SGCZ: variants seen among roughly 807,000 people sequenced by gnomAD.
SGCZ encodes the protein sarcoglycan zeta.
In SGCZ, 40 loss-of-function variants were observed where a neutral mutation model predicts 41.3. The ratio of observed to expected loss-of-function variants is 0.97; its 90% CI spans 0.75 to 1.26. The LOEUF is 1.26. SGCZ is among the 50% of genes most tolerant of loss of function. The pLI is 0.00. For missense variants in SGCZ, 552 were observed against 369.8 expected (o/e 1.49, Z -4.04); for synonymous variants, 206 against 137.5 (o/e 1.50, Z -3.49).
intron 2 of SGCZ, among the ~76,000 whole-genome samples, chr8:14,538,093 G>A (rs773508169): frequency 6.6e-6 from 1 of 151,864 alleles, no homozygotes; most frequent in African/African-American, 2.4e-5. Context: ...TAAAGTATAT[G>A]TATAGATGTT....
At chr8:14,874,670 A>T (rs1008234762) in intron 1 of SGCZ, among the ~76,000 whole-genome samples, 1 of 152,152 alleles carries the variant, frequency 6.6e-6, no homozygotes, top group East Asian at 1.9e-4. Flanking sequence ...AATAAATTCC[A>T]GTGTGGATCA....
At chr8:14,228,061 C>G (rs1806434901) in intron 4 of SGCZ, among the ~76,000 whole-genome samples, 3 of 151,978 alleles carry the variant, frequency 2.0e-5, no homozygotes, top group Admixed American at 1.3e-4. Context: ...ATATGGACTC[C>G]TAAATTTTAT....
chr8:15,178,808 A>T (rs1056624080), intron 1 of SGCZ, among the ~76,000 whole-genome samples: 3 of 152,198 alleles, frequency 2.0e-5, no homozygotes, highest in Non-Finnish European at 1.5e-5. Flanking sequence ...GAAGGAAAAA[A>T]ACTAGACGAA....
At chr8:14,479,361 C>G (rs557004728) in intron 2 of SGCZ, among the ~76,000 whole-genome samples, 1 of 152,200 alleles carries the variant, frequency 6.6e-6, no homozygotes, top group Non-Finnish European at 1.5e-5. Context: ...CGTATTTCCT[C>G]TTTGCTCCGC....
chr8:14,846,346 T>A (rs1397031809), intron 1 of SGCZ, among the ~76,000 whole-genome samples: 1 of 151,670 alleles, frequency 6.6e-6, no homozygotes, highest in Non-Finnish European at 1.5e-5. Context: ...GAAAAATCAA[T>A]GGAATTGGAC....
chr8:14,567,532 G>T (rs1298178216), intron 1 of SGCZ, among the ~76,000 whole-genome samples: 1 of 152,050 alleles, frequency 6.6e-6, no homozygotes, highest in African/African-American at 2.4e-5. Flanking sequence ...CAAACCAATC[G>T]GCTCTCTGTA....
At chr8:14,717,154 T>C (rs1373412350) in intron 1 of SGCZ, among the ~76,000 whole-genome samples, 1 of 152,104 alleles carries the variant, frequency 6.6e-6, no homozygotes, top group Non-Finnish European at 1.5e-5. Context: ...CAATATTATT[T>C]TGTATCATTT....
chr8:15,097,867 T>TAG (rs1806431077), intron 1 of SGCZ, among the ~76,000 whole-genome samples: 2 of 31,764 alleles, frequency 6.3e-5, no homozygotes, highest in Non-Finnish European at 1.2e-4. Flanking sequence ...CGTGTGTGTG[T>TAG]ATATATATAT....
At chr8:14,508,603 C>T (rs187853963) in intron 2 of SGCZ, among the ~76,000 whole-genome samples, 106 of 152,144 alleles carry the variant, frequency 7.0e-4, no homozygotes, top group Non-Finnish European at 1.3e-3. Context: ...CATAAATGTG[C>T]CTTGGTGGGT....
At chr8:14,761,535 A>T (rs181357827) in intron 1 of SGCZ, among the ~76,000 whole-genome samples, 14,427 of 135,630 alleles carry the variant, frequency 0.11, 930 homozygotes, top group East Asian at 0.2. Flanking sequence ...TTATTTATTT[A>T]TTTATTTTTT....
At chr8:15,034,066 A>C (rs1803784014) in intron 1 of SGCZ, among the ~76,000 whole-genome samples, 1 of 149,596 alleles carries the variant, frequency 6.7e-6, no homozygotes, top group Non-Finnish European at 1.5e-5. Context: ...AAACAAAAAG[A>C]CACAATAGCA....
In SGCZ at chr8:14,592,989, G is replaced by A. The variant is rs916446450; in HGVS notation, c.40-38063C>T. On this transcript the variant is annotated intron_variant, in intron 1 of 7. Transcript: ENST00000382080. ...ACTACCGCAATTGTTGGTTTCTGTTGTCTCTGACTTAGTGCCTTTACATTG... is the reference window on the plus strand; with the variant it reads ...ACTACCGCAATTGTTGGTTTCTGTTATCTCTGACTTAGTGCCTTTACATTG... 2.0e-5 allele frequency among the ~76,000 whole-genome samples: 3 copies of A among 152,098 alleles called. 1 individual carries two copies. Among genetic ancestry groups the A allele is most frequent in the African/African-American group, 4.8e-5 (2 of 41,412 alleles).
At chr8:14,700,958 G>C (rs546027312) in intron 1 of SGCZ, among the ~76,000 whole-genome samples, 1 of 151,878 alleles carries the variant, frequency 6.6e-6, no homozygotes, top group African/African-American at 2.4e-5. Flanking sequence ...GAAATATAAA[G>C]AGGCTCACAT....
At chr8:14,892,177 A>T (rs1488810098) in intron 1 of SGCZ, among the ~76,000 whole-genome samples, 1 of 152,218 alleles carries the variant, frequency 6.6e-6, no homozygotes, top group African/African-American at 2.4e-5. Flanking sequence ...AAGACTGCTT[A>T]CTTGCTATCT....
intron 4 of SGCZ, among the ~76,000 whole-genome samples, chr8:14,169,195 CT>C (rs1453285041): frequency 2.0e-5 from 3 of 152,084 alleles, no homozygotes; most frequent in Admixed American, 6.6e-5. Flanking sequence ...TTTGGGGGAA[CT>C]TTTTTGCTAA....
intron 1 of SGCZ, among the ~76,000 whole-genome samples, chr8:14,928,592 G>A (rs1281012891): frequency 6.6e-6 from 1 of 152,130 alleles, no homozygotes; most frequent in Non-Finnish European, 1.5e-5. Context: ...AAACAAAGTA[G>A]TTTACACAAT....
intron 1 of SGCZ, among the ~76,000 whole-genome samples, chr8:14,677,280 T>C (rs1051269451): frequency 2.0e-5 from 3 of 151,986 alleles, no homozygotes; most frequent in Non-Finnish European, 4.4e-5. Flanking sequence ...AAGAAAATTA[T>C]AAGACTCTGA....
At position 15,237,731 on chromosome 8, in the gene SGCZ, G is replaced by A. The variant is rs567510973; in HGVS notation, c.-108C>T. 2.4e-5 allele frequency: 29 copies of A among 1,204,252 alleles called. No homozygotes were observed. The African/African-American group carries it at 4.1e-4, about 17-fold the overall frequency. The allele number at this position is 1,204,252 out of a possible 1,614,324, so 74.6% of individuals were successfully genotyped here. A position where few individuals can be genotyped will look rare whatever the true frequency, so the allele number is the denominator to read the frequency against. On this transcript the variant is annotated 5_prime_UTR_variant, in exon 1 of 8. Transcript: ENST00000382080. ...CAGCTTTATCCTCCTCCAAGCCCCG[G>A]CAGCTCCTCTCAGTCTCATTCTCCG...
intron 2 of SGCZ, among the ~76,000 whole-genome samples, chr8:14,362,877 A>T (rs775801520): frequency 3.9e-5 from 6 of 152,238 alleles, no homozygotes; most frequent in Non-Finnish European, 7.3e-5. Context: ...CTACATATAT[A>T]TGCAAATATA....
Sources: allele counts gnomAD v4.1 joint callset (sites outside exome capture counted in the v4.1 genomes callset), GRCh38; gene constraint gnomAD v4.1.1; transcripts MANE v1.5; gene names NCBI Gene and HGNC (gene_info 2026-07-23, HGNC 2026-07-21).